Variants in SENP5 observed in about 807,000 individuals in gnomAD.
SENP5 encodes the protein sentrin-specific protease 5.
In SENP5, 21 loss-of-function variants were observed where a neutral mutation model predicts 74.2. The ratio of observed to expected loss-of-function variants is 0.28; its 90% CI spans 0.20 to 0.41. The LOEUF (loss-of-function observed/expected upper bound fraction) is 0.41, where lower values mean the gene tolerates loss of function less well. Ranked by LOEUF, SENP5 falls within the 10% of genes least tolerant of loss-of-function variation. The probability of loss-of-function intolerance (pLI) is 1.00; values close to 1 mark genes in which losing one functional copy is unlikely to be tolerated. For missense variants in SENP5, 717 were observed against 889.1 expected, an observed-to-expected ratio of 0.81 and a Z score of 2.46; for synonymous variants, 311 against 312.7, an observed-to-expected ratio of 0.99 and a Z score of 0.06.
At chr3:196,927,659 G>A in intron 7 of SENP5, 137 bp from the exon 8 acceptor site, 1 of 400,148 alleles carries the variant, frequency 2.5e-6, no homozygotes. Context: ...AAAAAAAATT[G>A]TTCCAGCTTC....
intron 6 of SENP5, among the ~76,000 whole-genome samples, chr3:196,921,823 T>A (rs914222919): frequency 6.6e-6 from 1 of 152,176 alleles, no homozygotes; most frequent in African/African-American, 2.4e-5. Flanking sequence ...GAGAAGGAAA[T>A]CTTGGGAAAT....
rs1713920980 is a variant in SENP5, at chr3:196,885,539, T to C, written c.358T>C (p.Leu120=). 6.8e-6 allele frequency: 11 copies of C among 1,614,180 alleles called. No individual in the cohort carries two copies. Among genetic ancestry groups the C allele is most frequent in the Non-Finnish European group, 9.3e-6 (11 of 1,180,042 alleles). Reference sequence around the variant, plus strand: ...CCTGAGACTCCAAGCAGAGAAGCTGTTGTCATCAGCAAAGAATTCTGACCA... The same window carrying C: ...CCTGAGACTCCAAGCAGAGAAGCTGCTGTCATCAGCAAAGAATTCTGACCA... ...TLLRLQAEKL[L]SSAKNSDHEY... The change falls in exon 2 of 10, where the codon TTG becomes CTG. Residue 120 remains leucine, a synonymous_variant. Coordinates refer to ENST00000323460, the MANE Select transcript of SENP5 (RefSeq NM_152699.5).
intron 8 of SENP5, 110 bp from the exon 9 acceptor site, chr3:196,929,523 G>GGAGA (rs1715945225): frequency 6.1e-6 from 4 of 654,506 alleles, no homozygotes; most frequent in Non-Finnish European, 8.1e-6. Context: ...CAGCTGTCCT[G>GGAGA]GAGAGAGAAA....
At chr3:196,926,970 G>A (rs1013038656) in intron 7 of SENP5, among the ~76,000 whole-genome samples, 1 of 152,102 alleles carries the variant, frequency 6.6e-6, no homozygotes, top group East Asian at 1.9e-4. Context: ...GGGGGGTGGG[G>A]TGGGTTATTC....
chr3:196,921,928 C>T (rs1715633892), intron 6 of SENP5, among the ~76,000 whole-genome samples: 2 of 152,180 alleles, frequency 1.3e-5, no homozygotes, highest in Non-Finnish European at 2.9e-5. Context: ...TTGATTCACT[C>T]TTTTACAAAT....
rs889600257 is a variant in SENP5, at chr3:196,903,458, A to C, written c.1807-75A>C. The C allele has an allele frequency of 4.3e-5, 39 of 915,598 alleles. No homozygotes were observed. In the African/African-American group the frequency reaches 4.6e-4, roughly 11 times the overall value. 56.7% of individuals were successfully genotyped at this position (915,598 alleles called of 1,614,324 possible). On this transcript the variant is annotated intron_variant, in intron 5 of 9. Coordinates refer to ENST00000323460, the MANE Select transcript of SENP5 (RefSeq NM_152699.5). ...GTCTGCTTTACATTCAAACATTTTA[A>C]AATTTCCTCTTTTGAAGTTAAATCT...
intron 6 of SENP5, among the ~76,000 whole-genome samples, chr3:196,922,375 C>T (rs754738569): frequency 6.6e-6 from 1 of 152,174 alleles, no homozygotes; most frequent in Non-Finnish European, 1.5e-5. Flanking sequence ...TTAACTGCTG[C>T]TTATATCATG....
At chr3:196,926,503 T>C (rs1468983139) in intron 7 of SENP5, among the ~76,000 whole-genome samples, 1 of 151,544 alleles carries the variant, frequency 6.6e-6, no homozygotes, top group East Asian at 1.9e-4. Context: ...AAAAAGAATT[T>C]ATATATACTG....
At chr3:196,870,112 G>A (rs544741027) in intron 1 of SENP5, among the ~76,000 whole-genome samples, 3 of 152,178 alleles carry the variant, frequency 2.0e-5, no homozygotes, top group Admixed American at 1.3e-4. Context: ...TGGCATTTGC[G>A]ATATTAAGCA....
At chr3:196,914,814 C>G (rs796867569) in intron 6 of SENP5, among the ~76,000 whole-genome samples, 2 of 151,718 alleles carry the variant, frequency 1.3e-5, no homozygotes, top group African/African-American at 4.8e-5. Context: ...CTGGTTTTAA[C>G]AGCATCTCAA....
intron 6 of SENP5, among the ~76,000 whole-genome samples, chr3:196,907,103 A>G (rs1714931422): frequency 6.6e-6 from 1 of 152,296 alleles, no homozygotes; most frequent in East Asian, 1.9e-4. Context: ...ATGTAGGACA[A>G]CTAGTAGAGG....
chr3:196,867,964 C>G lies in SENP5; in HGVS notation c.-141C>G, dbSNP rs1056382680. ...TGGCCGCGGCGAACAGGCCGGACGC[C>G]TCGTCGCTGGCGGGGCTTCCCTTGG... On this transcript the variant is annotated 5_prime_UTR_variant, in exon 1 of 10. Transcript: ENST00000323460. 2 of 152,300 alleles carry G rather than the reference C, an allele frequency of 1.3e-5. No homozygotes were observed. The highest frequency in any genetic ancestry group is 1.9e-4 in the East Asian group (1 of 5,168). 9.4% of individuals were successfully genotyped at this position (152,300 alleles called of 1,614,324 possible).
chr3:196,909,739 T>G (rs149015041), intron 6 of SENP5, among the ~76,000 whole-genome samples: 1,631 of 152,286 alleles, frequency 0.011, 35 homozygotes, highest in African/African-American at 0.037. Flanking sequence ...CTCAATAAAC[T>G]AGGTATTCAT....
At chr3:196,925,198 G>A (rs1373294118) in intron 7 of SENP5, among the ~76,000 whole-genome samples, 2 of 150,830 alleles carry the variant, frequency 1.3e-5, no homozygotes, top group Non-Finnish European at 3.0e-5. Flanking sequence ...ATATTTTCTT[G>A]TATTATTTGT....
intron 2 of SENP5, among the ~76,000 whole-genome samples, chr3:196,897,753 C>T (rs1214250453): frequency 2.6e-5 from 4 of 152,220 alleles, no homozygotes; most frequent in East Asian, 3.8e-4. Flanking sequence ...CAGACTTAAC[C>T]GTCAGACTGA....
At position 196,884,673 on chromosome 3, in the gene SENP5, TG is replaced by T. The variant is rs202112482; in HGVS notation, c.-31-477del. ...GAGGTTACAGAAATCAGTTTTTTTT[TG>T]TTTTTTTTTTTTTTGAGATGGAGTT... On this transcript the variant is annotated intron_variant, in intron 1 of 9. Coordinates refer to ENST00000323460, the MANE Select transcript of SENP5 (RefSeq NM_152699.5). 2.4e-3 allele frequency among the ~76,000 whole-genome samples: 304 copies of T among 128,894 alleles called. 4 individuals are homozygous for T. The highest frequency in any genetic ancestry group is 9.1e-3 in the African/African-American group (246 of 26,976). The allele number at this position is 128,894 out of a possible 152,430, so 84.6% of individuals were successfully genotyped here.
In SENP5 at chr3:196,923,613, T is replaced by A. The variant is rs1002801664; in HGVS notation, c.2022+62T>A. On this transcript the variant is annotated intron_variant, in intron 7 of 9. Transcript: ENST00000323460. ...GTAATTGGCCAAATAGCATCTTAGCTCTAGATAGAACAGCAGCAGTCAAAA... is the reference window on the plus strand; with the variant it reads ...GTAATTGGCCAAATAGCATCTTAGCACTAGATAGAACAGCAGCAGTCAAAA... The A allele has an allele frequency of 1.8e-5, 21 of 1,161,132 alleles. No individual in the cohort carries two copies. In the African/African-American group the frequency reaches 2.8e-4, roughly 15 times the overall value. The allele number at this position is 1,161,132 out of a possible 1,614,324, so 71.9% of individuals were successfully genotyped here. A position where few individuals can be genotyped will look rare whatever the true frequency, so the allele number is the denominator to read the frequency against.
At chr3:196,898,847 G>A (rs564306832) in intron 2 of SENP5, among the ~76,000 whole-genome samples, 1,640 of 152,158 alleles carry the variant, frequency 0.011, 10 homozygotes, top group African/African-American at 0.031. Flanking sequence ...ATTCGATGAC[G>A]ATTCCATTCA....
intron 7 of SENP5, among the ~76,000 whole-genome samples, chr3:196,926,678 C>T (rs1328691278): frequency 2.0e-5 from 3 of 147,916 alleles, no homozygotes; most frequent in Non-Finnish European, 4.5e-5. Flanking sequence ...TCACTCTGTC[C>T]CCTGGGTTGG....
Sources: gnomAD v4.1 joint callset for allele counts (sites outside exome capture counted in the v4.1 genomes callset) on GRCh38, gnomAD v4.1.1 for gene constraint, MANE v1.5 for transcripts, NCBI Gene and HGNC (gene_info 2026-07-23, HGNC 2026-07-21) for gene names.